The following ACADM variants were observed in gnomAD, a reference collection of about 807,000 sequenced individuals.
The protein encoded by ACADM is medium-chain specific acyl-CoA dehydrogenase, mitochondrial.
Under a neutral mutation model 58.9 loss-of-function variants are expected in ACADM, and 49 were observed. The observed-to-expected ratio is 0.83, with a 90% CI of 0.66 to 1.06. The LOEUF is 1.06. ACADM is among the 50% of genes least tolerant of loss of function. ACADM has a pLI of 0.00. For missense variants in ACADM, 496 were observed against 507.0 expected (o/e 0.98, Z 0.21); for synonymous variants, 160 against 157.7 (o/e 1.01, Z -0.11).
intron 10 of ACADM, among the ~76,000 whole-genome samples, chr1:75,757,980 A>T (rs188642771): frequency 2.6e-5 from 4 of 152,344 alleles, no homozygotes; most frequent in Admixed American, 2.6e-4. Flanking sequence ...GAATTCCAGT[A>T]ATTTGCTAAA....
intron 10 of ACADM, among the ~76,000 whole-genome samples, chr1:75,758,683 A>G (rs1328326658): frequency 6.6e-6 from 1 of 152,170 alleles, no homozygotes; most frequent in Non-Finnish European, 1.5e-5. Context: ...AAATGCACCA[A>G]TCAGTGCTGT....
chr1:75,760,754 A>C (rs1430371255), intron 10 of ACADM, among the ~76,000 whole-genome samples: 1 of 152,100 alleles, frequency 6.6e-6, no homozygotes, highest in Non-Finnish European at 1.5e-5. Flanking sequence ...TTAGTAGAAA[A>C]CTTGACCAGA....
At chr1:75,735,588 C>T (rs1052936803) in intron 6 of ACADM, among the ~76,000 whole-genome samples, 1 of 152,080 alleles carries the variant, frequency 6.6e-6, no homozygotes, top group East Asian at 1.9e-4. Context: ...CGTGGTGGCT[C>T]ACGCCTGTAA....
intron 11 of ACADM, chr1:75,761,571 G>A: frequency 3.2e-6 from 2 of 619,782 alleles, no homozygotes; most frequent in Non-Finnish European, 5.6e-6. Context: ...AGAGAGAATA[G>A]GCTAAAAAAA....
In ACADM at chr1:75,760,661, A is replaced by G. The variant is rs191847834; in HGVS notation, c.946-461A>G. Among the ~76,000 whole-genome samples, 46 of 151,870 alleles carry G rather than the reference A, an allele frequency of 3.0e-4. No homozygotes were observed. In the East Asian group the frequency reaches 8.5e-3, roughly 28 times the overall value. ...CAGAAGTGCAAAGACGTAAAAGATA[A>G]GGAAGGATTGAGGAATTATAATAGC... On this transcript the variant is annotated intron_variant, in intron 10 of 11. Coordinates refer to ENST00000370841, the MANE Select transcript of ACADM (RefSeq NM_000016.6).
chr1:75,724,764 C>T lies in ACADM; in HGVS notation c.-24C>T, dbSNP rs376904926. 21 of 1,530,620 alleles carry T rather than the reference C, an allele frequency of 1.4e-5. No homozygotes were observed. The highest frequency in any genetic ancestry group is 4.0e-5 in the Admixed American group (2 of 49,928). 94.8% of individuals were successfully genotyped at this position (1,530,620 alleles called of 1,614,324 possible). On this transcript the variant is annotated 5_prime_UTR_variant, in exon 1 of 12. Transcript: ENST00000370841. ...AGGCCGTGACCCGTGTATTATTGTC[C>T]GAGTGGCCGGAACGGGAGCCAACAT...
intron 10 of ACADM, among the ~76,000 whole-genome samples, chr1:75,759,813 C>T (rs1393422293): frequency 1.3e-5 from 2 of 151,928 alleles, no homozygotes; most frequent in Non-Finnish European, 2.9e-5. Flanking sequence ...AAGCATGTGC[C>T]ACCATGCCTG....
intron 10 of ACADM, among the ~76,000 whole-genome samples, chr1:75,759,193 G>C (rs2100446034): frequency 6.6e-6 from 1 of 152,300 alleles, no homozygotes; most frequent in Admixed American, 6.5e-5. Flanking sequence ...CCACTGGAAG[G>C]AACCAACTCT....
At chr1:75,761,839 G>A (rs1648878156) in intron 11 of ACADM, among the ~76,000 whole-genome samples, 1 of 152,156 alleles carries the variant, frequency 6.6e-6, no homozygotes, top group African/African-American at 2.4e-5. Flanking sequence ...TTCAGTAAAA[G>A]GAAATATAAA....
At chr1:75,762,560 G>A in intron 11 of ACADM, 132 bp from the exon 12 acceptor site, 1 of 591,284 alleles carries the variant, frequency 1.7e-6, no homozygotes, top group Non-Finnish European at 3.1e-6. Flanking sequence ...ATCTGTAGAG[G>A]CTACAGACCC....
intron 1 of ACADM, among the ~76,000 whole-genome samples, chr1:75,725,233 G>C (rs1297686582): frequency 1.4e-5 from 2 of 139,068 alleles, no homozygotes; most frequent in East Asian, 3.9e-4. Context: ...TTTCCACGTT[G>C]CTTACGGGAA....
At chr1:75,757,465 T>A (rs1038742636) in intron 10 of ACADM, among the ~76,000 whole-genome samples, 5 of 152,202 alleles carry the variant, frequency 3.3e-5, no homozygotes, top group Non-Finnish European at 7.3e-5. Flanking sequence ...ATGCTCATCA[T>A]CACTGGCCAT....
intron 7 of ACADM, chr1:75,743,804 G>A: frequency 6.6e-7 from 1 of 1,509,064 alleles, no homozygotes; most frequent in South Asian, 1.1e-5. Flanking sequence ...ACCAGACCCT[G>A]TGGGGTGGCC....
At chr1:75,751,185 C>A (rs1348678647) in intron 10 of ACADM, among the ~76,000 whole-genome samples, 1 of 150,604 alleles carries the variant, frequency 6.6e-6, no homozygotes, top group Non-Finnish European at 1.5e-5. Context: ...ACTAAAAATA[C>A]AAAAATTAGC....
chr1:75,754,792 G>A (rs1317443693), intron 10 of ACADM: 1 of 152,344 alleles, frequency 6.6e-6, no homozygotes, highest in African/African-American at 2.4e-5. Context: ...CACAGAGCAT[G>A]AGCCGAAGCA....
At chr1:75,749,668 C>T in intron 9 of ACADM, 109 bp downstream of exon 9, 11 of 948,568 alleles carry the variant, frequency 1.2e-5, no homozygotes, top group South Asian at 7.0e-5. Context: ...TTAATATCTG[C>T]TTATTTTATT....
intron 1 of ACADM, among the ~76,000 whole-genome samples, chr1:75,727,498 C>T (rs1313533544): frequency 6.6e-6 from 1 of 152,144 alleles, no homozygotes; most frequent in Non-Finnish European, 1.5e-5. Flanking sequence ...TTGTGGTTCC[C>T]AGTTTGGCAG....
intron 10 of ACADM, among the ~76,000 whole-genome samples, chr1:75,759,700 T>G (rs986619166): frequency 6.7e-6 from 1 of 149,906 alleles, no homozygotes; most frequent in African/African-American, 2.5e-5. Flanking sequence ...TTGCTTTTGT[T>G]GCCCAGGCTG....
Position 75,724,833 on chromosome 1 carries a change from G to C in ACADM, c.30+16G>C. The C allele has an allele frequency of 6.8e-7, 1 of 1,477,296 alleles. No individual in the cohort carries two copies. The highest frequency in any genetic ancestry group is 9.0e-7 in the Non-Finnish European group (1 of 1,109,034). The allele number at this position is 1,477,296 out of a possible 1,614,324, so 91.5% of individuals were successfully genotyped here. A position where few individuals can be genotyped will look rare whatever the true frequency, so the allele number is the denominator to read the frequency against. Reference sequence around the variant, plus strand: ...ATGCTGCAGGGTGAGAGGGAGCCCAGCGGTGCGGTGGGGCTGGAACATGGG... The same window carrying C: ...ATGCTGCAGGGTGAGAGGGAGCCCACCGGTGCGGTGGGGCTGGAACATGGG... On this transcript the variant is annotated intron_variant, in intron 1 of 11. Coordinates refer to ENST00000370841, the MANE Select transcript of ACADM (RefSeq NM_000016.6).
Sources: allele counts gnomAD v4.1 joint callset (sites outside exome capture counted in the v4.1 genomes callset), GRCh38; gene constraint gnomAD v4.1.1; transcripts MANE v1.5; gene names NCBI Gene and HGNC (gene_info 2026-07-23, HGNC 2026-07-21).